EFCAB3: variants seen among roughly 807,000 people sequenced by gnomAD.
EFCAB3 encodes the protein EF-hand calcium binding domain 3, also known as EF-hand calcium-binding domain-containing protein 3.
A neutral mutation model predicts 42.2 loss-of-function variants in EFCAB3; 36 were observed. That is an observed-to-expected ratio of 0.85 (90% CI 0.65 to 1.13). EFCAB3 has a LOEUF of 1.13. Among genes scored for constraint, EFCAB3 ranks in the 50% most tolerant of loss-of-function variants. The pLI is 0.00. For synonymous variants in EFCAB3, 170 were observed against 172.8 expected, an observed-to-expected ratio of 0.98 and a Z score of 0.13; for missense variants, 418 against 505.1, an observed-to-expected ratio of 0.83 and a Z score of 1.65.
intron 1 of EFCAB3, among the ~76,000 whole-genome samples, chr17:62,372,430 C>T (rs889957218): frequency 6.6e-6 from 1 of 151,940 alleles, no homozygotes; most frequent in Non-Finnish European, 1.5e-5. Context: ...TACAGGCACA[C>T]ACCACCATGC....
chr17:62,399,628 C>CT (rs2070383666), intron 6 of EFCAB3, among the ~76,000 whole-genome samples: 1 of 152,130 alleles, frequency 6.6e-6, no homozygotes, highest in Non-Finnish European at 1.5e-5. Flanking sequence ...TTTGCACTTG[C>CT]TTTTCCCTCT....
At chr17:62,411,122 T>C (rs951878319) in intron 8 of EFCAB3, among the ~76,000 whole-genome samples, 6 of 152,168 alleles carry the variant, frequency 3.9e-5, no homozygotes, top group East Asian at 3.8e-4. Context: ...ATCCATATCC[T>C]AGGTTTGCAC....
chr17:62,403,917 T>C (rs1404795037), intron 6 of EFCAB3, among the ~76,000 whole-genome samples: 5 of 152,216 alleles, frequency 3.3e-5, no homozygotes, highest in African/African-American at 1.2e-4. Context: ...CCCAAAGTGC[T>C]GGGATTATAG....
At chr17:62,415,871 C>T in intron 9 of EFCAB3, 132 bp from the exon 10 acceptor site, 1 of 748,150 alleles carries the variant, frequency 1.3e-6, no homozygotes, top group Non-Finnish European at 2.2e-6. Flanking sequence ...CCTCACGAGG[C>T]ACCACCTAAT....
chr17:62,372,806 A>C (rs2070123282), intron 1 of EFCAB3, among the ~76,000 whole-genome samples: 1 of 152,104 alleles, frequency 6.6e-6, no homozygotes, highest in Admixed American at 6.5e-5. Context: ...GTCCAAACAA[A>C]ACCCACGGCA....
At chr17:62,373,136 C>T (rs2144043634) in intron 1 of EFCAB3, among the ~76,000 whole-genome samples, 1 of 152,096 alleles carries the variant, frequency 6.6e-6, no homozygotes, top group East Asian at 1.9e-4. Flanking sequence ...AAAAAATTAG[C>T]TGGCATGATG....
At chr17:62,397,521 A>G (rs529309277) in intron 6 of EFCAB3, 1 of 567,848 alleles carries the variant, frequency 1.8e-6, no homozygotes, top group South Asian at 1.4e-5. Context: ...AACCCTTTTG[A>G]GGGTTGCATG....
intron 6 of EFCAB3, among the ~76,000 whole-genome samples, chr17:62,401,217 A>T (rs1012085670): frequency 1.7e-4 from 26 of 152,094 alleles, no homozygotes; most frequent in Middle Eastern, 3.4e-3. Context: ...GATTGCAAAA[A>T]TTTTCTCCCA....
chr17:62,410,792 A>G (rs888782187), intron 8 of EFCAB3, among the ~76,000 whole-genome samples: 1 of 152,132 alleles, frequency 6.6e-6, no homozygotes, highest in Non-Finnish European at 1.5e-5. Context: ...TGGGGTTTAG[A>G]TGCCCATTCA....
At chr17:62,377,401 C>T (rs1203061506), upstream of EFCAB3, among the ~76,000 whole-genome samples, 3 of 152,020 alleles carry the variant, frequency 2.0e-5, no homozygotes, top group Admixed American at 6.6e-5. Context: ...TTAATCTCCT[C>T]ATGCTTAGAA....
At chr17:62,414,468 A>C (rs1214213004) in intron 9 of EFCAB3, among the ~76,000 whole-genome samples, 5 of 152,084 alleles carry the variant, frequency 3.3e-5, no homozygotes, top group African/African-American at 9.7e-5. Flanking sequence ...TTCTACCTCT[A>C]CGCTGGGTCT....
At chr17:62,396,841 T>A (rs1340159858) in intron 6 of EFCAB3, among the ~76,000 whole-genome samples, 4 of 152,134 alleles carry the variant, frequency 2.6e-5, no homozygotes, top group Non-Finnish European at 5.9e-5. Flanking sequence ...ATTGTGCCAC[T>A]ACACTCCAAC....
At chr17:62,373,425 C>A (rs915453344) in intron 1 of EFCAB3, among the ~76,000 whole-genome samples, 2 of 150,252 alleles carry the variant, frequency 1.3e-5, no homozygotes, top group African/African-American at 4.9e-5. Flanking sequence ...CCAGCCTGGG[C>A]AACATAGGGA....
chr17:62,407,323 A>G, intron 8 of EFCAB3, 111 bp downstream of exon 8: 1 of 952,710 alleles, frequency 1.0e-6, no homozygotes, highest in South Asian at 2.9e-5. Context: ...TTATTTTCAA[A>G]GCAGATGCCA....
At chr17:62,413,494 T>G (rs555085775) in intron 8 of EFCAB3, among the ~76,000 whole-genome samples, 1 of 152,316 alleles carries the variant, frequency 6.6e-6, no homozygotes, top group East Asian at 1.9e-4. Flanking sequence ...CCTTTTGACC[T>G]AGCAATTCCA....
At chr17:62,383,540 ATATT>A (rs1405812951) in intron 2 of EFCAB3, among the ~76,000 whole-genome samples, 2 of 152,172 alleles carry the variant, frequency 1.3e-5, no homozygotes, top group Non-Finnish European at 2.9e-5. Flanking sequence ...TACTCTTCAA[ATATT>A]TATTATATGA....
At chr17:62,386,501 C>T (rs1262128934) in intron 2 of EFCAB3, among the ~76,000 whole-genome samples, 1 of 151,604 alleles carries the variant, frequency 6.6e-6, no homozygotes, top group East Asian at 1.9e-4. Flanking sequence ...GTCATAGATA[C>T]AGAGGTTTCT....
chr17:62,388,466 T>C (rs1218299363), intron 3 of EFCAB3, among the ~76,000 whole-genome samples: 1 of 152,210 alleles, frequency 6.6e-6, no homozygotes, highest in African/African-American at 2.4e-5. Context: ...CATGATGCAC[T>C]AGAAAAATTC....
At chr17:62,396,945 C>G (rs2070355442) in intron 6 of EFCAB3, among the ~76,000 whole-genome samples, 1 of 151,912 alleles carries the variant, frequency 6.6e-6, no homozygotes, top group Non-Finnish European at 1.5e-5. Context: ...TAATCCTCAC[C>G]TCCCTAATTA....
Sources: gnomAD v4.1 joint callset for allele counts (sites outside exome capture counted in the v4.1 genomes callset) on GRCh38, gnomAD v4.1.1 for gene constraint, MANE v1.5 for transcripts, NCBI Gene and HGNC (gene_info 2026-07-23, HGNC 2026-07-21) for gene names.